Variants in MICALL2 observed in about 807,000 individuals in gnomAD.
The protein encoded by MICALL2 is MICAL-like protein 2.
A neutral mutation model predicts 91.1 loss-of-function variants in MICALL2; 111 were observed. The ratio of observed to expected loss-of-function variants is 1.22; its 90% CI spans 1.04 to 1.43. The LOEUF (loss-of-function observed/expected upper bound fraction) is 1.43. MICALL2 is among the 40% of genes most tolerant of loss of function. The probability of loss-of-function intolerance (pLI) is 0.00; values close to 1 mark genes in which losing one functional copy is unlikely to be tolerated. For missense variants in MICALL2, 1,556 were observed against 1,236.0 expected, an observed-to-expected ratio of 1.26 and a Z score of -3.88; for synonymous variants, 694 against 525.3, an observed-to-expected ratio of 1.32 and a Z score of -4.39.
chr7:1,444,532 G>A (rs1311894528), intron 6 of MICALL2, 120 bp downstream of exon 6: 3 of 970,164 alleles, frequency 3.1e-6, no homozygotes, highest in South Asian at 1.7e-5. Context: ...TGGGGGAAGT[G>A]CAGTCCCCAA....
At chr7:1,441,910 C>T (rs537573439) in intron 7 of MICALL2, 58 of 499,040 alleles carry the variant, frequency 1.2e-4, no homozygotes, top group South Asian at 7.6e-4. Context: ...CCGAGCTGAG[C>T]GGGACGCTGC....
intron 6 of MICALL2, among the ~76,000 whole-genome samples, chr7:1,443,229 AC>A (rs2128521717): frequency 8.3e-6 from 1 of 120,762 alleles, no homozygotes. Context: ...TCCCTGGAGC[AC>A]CCCCGCCACT....
chr7:1,459,045 G>C (rs1781118010), intron 1 of MICALL2, 139 bp downstream of exon 1: 1 of 837,418 alleles, frequency 1.2e-6, no homozygotes, highest in Admixed American at 2.8e-5. Context: ...ACAGCCTCGG[G>C]GGGCTGCACG....
intron 1 of MICALL2, among the ~76,000 whole-genome samples, chr7:1,457,524 G>C (rs1446837480): frequency 6.6e-6 from 1 of 152,260 alleles, no homozygotes; most frequent in Non-Finnish European, 1.5e-5. Context: ...TGGAGGCTGA[G>C]GGGAACTGGC....
intron 4 of MICALL2, 146 bp downstream of exon 4, chr7:1,447,429 C>T (rs1780648747): frequency 3.5e-6 from 2 of 564,400 alleles, no homozygotes; most frequent in Non-Finnish European, 6.2e-6. Context: ...CCTGGCGGCT[C>T]TTGCTAAGGC....
At chr7:1,440,327 C>G (rs1170664766) in intron 8 of MICALL2, 1 of 623,824 alleles carries the variant, frequency 1.6e-6, no homozygotes, top group Non-Finnish European at 2.8e-6. Flanking sequence ...GGGACCCACA[C>G]ATGGGGAGAC....
Position 1,445,229 on chromosome 7 carries a change from T to C in MICALL2, c.841A>G (p.Lys281Glu). The change falls in exon 6 of 17, where the codon AAG becomes GAG. Residue 281 changes from lysine to glutamate, a missense_variant. Lys to Glu is a moderately conservative substitution (Grantham distance 56). Coordinates refer to ENST00000297508, the MANE Select transcript of MICALL2 (RefSeq NM_182924.4). ...GGCTCCCAGGCCGACGGTCTGGCCTTGTTTGCCTCCTGGGCCTTCTGTGGG... is the reference window on the plus strand; with the variant it reads ...GGCTCCCAGGCCGACGGTCTGGCCTCGTTTGCCTCCTGGGCCTTCTGTGGG... ...CSPQKAQEAN[K>E]ARPSAWEPAA... 6.2e-7 allele frequency: 1 copy of C among 1,611,384 alleles called. No homozygotes were observed. The highest frequency in any genetic ancestry group is 1.1e-5 in the South Asian group (1 of 90,816).
intron 6 of MICALL2, 61 bp from the exon 7 acceptor site, chr7:1,442,545 C>T (rs962821552): frequency 4.0e-5 from 59 of 1,469,946 alleles, no homozygotes; most frequent in Middle Eastern, 1.8e-4. Context: ...CACCATCACC[C>T]GAGGCCGCCC....
chr7:1,450,529 C>T, intron 1 of MICALL2: 1 of 502,824 alleles, frequency 2.0e-6, no homozygotes, highest in Non-Finnish European at 3.7e-6. Flanking sequence ...ACCTCCTGTA[C>T]CCTGACAGGC....
Position 1,436,722 on chromosome 7 carries a change from C to A in MICALL2, c.2591+20G>T, listed in dbSNP as rs1463304347. 2.5e-6 allele frequency: 4 copies of A among 1,584,226 alleles called. No homozygotes were observed. Among genetic ancestry groups the A allele is most frequent in the Non-Finnish European group, 3.4e-6 (4 of 1,165,478 alleles). On this transcript the variant is annotated intron_variant, in intron 15 of 16. Coordinates refer to ENST00000297508, the MANE Select transcript of MICALL2 (RefSeq NM_182924.4). ...GCGACCTGGCCTGGCTGGGAGGGGC[C>A]CCCGGCACCTGCCCCTCACCGGAGC... is the stretch of plus-strand genomic sequence containing the variant.
chr7:1,459,379 G>T lies in MICALL2; in HGVS notation c.-53C>A, dbSNP rs1163612257. 19 of 1,385,984 alleles carry T rather than the reference G, an allele frequency of 1.4e-5. No individual in the cohort carries two copies. The highest frequency in any genetic ancestry group is 2.3e-4 in the Middle Eastern group (1 of 4,286). The allele number at this position is 1,385,984 out of a possible 1,614,324, so 85.9% of individuals were successfully genotyped here. A position where few individuals can be genotyped will look rare whatever the true frequency, so the allele number is the denominator to read the frequency against. On this transcript the variant is annotated 5_prime_UTR_variant, in exon 1 of 17. Coordinates refer to ENST00000297508, the MANE Select transcript of MICALL2 (RefSeq NM_182924.4). ...AACCGCCCTCCGACACCTTCCCGCGGCTGTGCCGCGACCGCCCGGCCGGCG... is the reference window on the plus strand; with the variant it reads ...AACCGCCCTCCGACACCTTCCCGCGTCTGTGCCGCGACCGCCCGGCCGGCG...
chr7:1,434,727 G>A, intron 16 of MICALL2, 55 bp from the exon 17 acceptor site: 9 of 1,486,552 alleles, frequency 6.1e-6, no homozygotes, highest in Non-Finnish European at 3.6e-6. Flanking sequence ...GCACAGCCGT[G>A]GCCCACACAA....
intron 15 of MICALL2, 35 bp from the exon 16 acceptor site, chr7:1,435,182 G>T: frequency 6.2e-7 from 1 of 1,611,008 alleles, no homozygotes; most frequent in Non-Finnish European, 8.5e-7. Flanking sequence ...AGCGACAATG[G>T]CAATGGCAAG....
At chr7:1,448,249 C>A (rs1426243157) in intron 3 of MICALL2, among the ~76,000 whole-genome samples, 1 of 152,262 alleles carries the variant, frequency 6.6e-6, no homozygotes, top group African/African-American at 2.4e-5. Context: ...CAAGCCACCC[C>A]AGTGGGCACA....
At chr7:1,444,597 C>T (rs899354473) in intron 6 of MICALL2, 55 bp downstream of exon 6, 34 of 1,543,802 alleles carry the variant, frequency 2.2e-5, no homozygotes, top group South Asian at 2.1e-4. Context: ...TCCGGGGCCC[C>T]GCTGGCTGGT....
chr7:1,444,956 G>C lies in MICALL2; in HGVS notation c.1114C>G (p.Arg372Gly), dbSNP rs769238526. 1.3e-6 allele frequency: 2 copies of C among 1,510,130 alleles called. No individual in the cohort carries two copies. Among genetic ancestry groups the C allele is most frequent in the African/African-American group, 1.4e-5 (1 of 72,590 alleles). The allele number at this position is 1,510,130 out of a possible 1,614,324, so 93.5% of individuals were successfully genotyped here. The part of the protein sequence containing the change: ...PAVPPSAPDP[R>G]PATPQGGGAP... The stretch of plus-strand genomic sequence containing the variant: ...CCCCCACCCTGGGGTGTGGCCGGGC[G>C]AGGGTCTGGGGCACTCGGGGGCACG... Residue 372 changes from arginine to glycine, a missense_variant, in exon 6 of 17, where the codon CGC becomes GGC. Physicochemically the swap from Arg to Gly is moderately radical, Grantham distance 125 (BLOSUM62 -2). Coordinates refer to ENST00000297508, the MANE Select transcript of MICALL2 (RefSeq NM_182924.4).
rs557777457 is a variant in MICALL2, at chr7:1,440,555, G to A, written c.1805+36C>T. 9.0e-6 allele frequency: 14 copies of A among 1,561,616 alleles called. No individual in the cohort carries two copies. The Admixed American group carries it at 2.0e-4, about 22-fold the overall frequency. Reference sequence around the variant, plus strand: ...ACTGCATTTATTAAGCACCTATGGTGTACCAGGCCCTGGGCCAGCCCCACC... The same window carrying A: ...ACTGCATTTATTAAGCACCTATGGTATACCAGGCCCTGGGCCAGCCCCACC... On this transcript the variant is annotated intron_variant, in intron 8 of 16. Coordinates refer to ENST00000297508, the MANE Select transcript of MICALL2 (RefSeq NM_182924.4).
At position 1,438,954 on chromosome 7, in the gene MICALL2, G is replaced by A. The variant is rs1179089037; in HGVS notation, c.2008C>T (p.Pro670Ser). The change falls in exon 10 of 17, where the codon CCT (proline) becomes TCT (serine). Residue 670 changes from proline to serine, a missense_variant. Pro to Ser is a moderately conservative substitution (Grantham distance 74). Transcript: ENST00000297508. Reference protein sequence around the residue: ...SPPRRRRLAVPASLDVCDNWL... With the variant: ...SPPRRRRLAVSASLDVCDNWL... ...TTGTCACAAACGTCGAGGCTGGCAG[G>A]GACGGCCAGTCTCCTGCGGCGGGGT... The A allele has an allele frequency of 3.1e-6, 5 of 1,602,886 alleles. No homozygotes were observed. Among genetic ancestry groups the A allele is most frequent in the East Asian group, 2.2e-5 (1 of 44,856 alleles).
chr7:1,436,148 G>A (rs957683690), intron 15 of MICALL2, among the ~76,000 whole-genome samples: 3 of 151,962 alleles, frequency 2.0e-5, no homozygotes, highest in African/African-American at 7.3e-5. Context: ...CCAGCACTTT[G>A]GGAGGCCAAG....
Sources: allele counts gnomAD v4.1 joint callset (sites outside exome capture counted in the v4.1 genomes callset), GRCh38; gene constraint gnomAD v4.1.1; transcripts MANE v1.5; gene names NCBI Gene and HGNC (gene_info 2026-07-23, HGNC 2026-07-21).